The following MPDZ variants were observed in gnomAD, a reference collection of about 807,000 sequenced individuals.
MPDZ encodes the protein multiple PDZ domain protein.
MPDZ carries 234 observed loss-of-function variants against 239.1 expected under a neutral mutation model. The ratio of observed to expected loss-of-function variants is 0.98; its 90% CI spans 0.88 to 1.09. The LOEUF is 1.09. MPDZ is among the 50% of genes least tolerant of loss of function. The pLI is 0.00. For synonymous variants in MPDZ, 1,048 were observed against 881.3 expected (o/e 1.19, Z -3.35); for missense variants, 3,175 against 2,510.0 (o/e 1.26, Z -5.66).
At chr9:13,254,850 G>T (rs891556121) in intron 1 of MPDZ, among the ~76,000 whole-genome samples, 3 of 152,154 alleles carry the variant, frequency 2.0e-5, no homozygotes, top group Non-Finnish European at 4.4e-5. Flanking sequence ...CTGGTGGAGG[G>T]TCTTGCCTTT....
chr9:13,219,970 T>A (rs1241681233), intron 7 of MPDZ, among the ~76,000 whole-genome samples: 2 of 151,990 alleles, frequency 1.3e-5, no homozygotes, highest in African/African-American at 4.8e-5. Context: ...GAAATTCACA[T>A]ATAGTCTTTA....
chr9:13,175,752 C>T lies in MPDZ; in HGVS notation c.3055G>A (p.Gly1019Arg), dbSNP rs773285609. 1.7e-5 allele frequency: 27 copies of T among 1,568,086 alleles called. No individual in the cohort carries two copies. Among genetic ancestry groups the T allele is most frequent in the African/African-American group, 2.7e-5 (2 of 74,254 alleles). Residue 1019 changes from glycine to arginine, a missense_variant and splice_region_variant, in exon 21 of 47, where the codon GGA becomes AGA. Gly to Arg is a moderately radical substitution (Grantham distance 125). Coordinates refer to ENST00000319217, the MANE Select transcript of MPDZ (RefSeq NM_001378778.1). ...INIAKGNSSL[G>R]MTVSANKDGL... ...TATATGAGGAAAATGAGAAACTTACCTAGGCTAGAATTGCCTTTTGCTATA... is the reference window on the plus strand; with the variant it reads ...TATATGAGGAAAATGAGAAACTTACTTAGGCTAGAATTGCCTTTTGCTATA...
chr9:13,183,682 CT>C, intron 18 of MPDZ, 97 bp from the exon 19 acceptor site: 1 of 1,148,094 alleles, frequency 8.7e-7, no homozygotes, highest in Non-Finnish European at 1.3e-6. Flanking sequence ...TGGTATCATT[CT>C]TTTATCTATT....
At chr9:13,125,538 A>G in intron 34 of MPDZ, 148 bp from the exon 35 acceptor site, 2 of 701,842 alleles carry the variant, frequency 2.8e-6, no homozygotes, top group Admixed American at 6.1e-5. Context: ...GGACTTGGGT[A>G]AAGAAAGAAA....
intron 13 of MPDZ, among the ~76,000 whole-genome samples, chr9:13,194,989 A>T (rs544569864): frequency 2.7e-5 from 4 of 147,174 alleles, no homozygotes; most frequent in South Asian, 2.1e-4. Context: ...TTGAATGTTT[A>T]AAAAAAAAAA....
At chr9:13,193,002 T>TA (rs1955152400) in intron 14 of MPDZ, among the ~76,000 whole-genome samples, 165 bp downstream of exon 14, 1 of 152,198 alleles carries the variant, frequency 6.6e-6, no homozygotes, top group Non-Finnish European at 1.5e-5. Flanking sequence ...TACACACAGA[T>TA]ACACAGATAC....
At chr9:13,199,251 T>C (rs1014843270) in intron 12 of MPDZ, among the ~76,000 whole-genome samples, 8 of 152,052 alleles carry the variant, frequency 5.3e-5, no homozygotes, top group Non-Finnish European at 1.0e-4. Flanking sequence ...TATTCCTAGG[T>C]ATTTTATTTT....
At chr9:13,155,272 A>T (rs1488925616) in intron 24 of MPDZ, among the ~76,000 whole-genome samples, 1 of 152,170 alleles carries the variant, frequency 6.6e-6, no homozygotes, top group Non-Finnish European at 1.5e-5. Context: ...TTGACAACTG[A>T]AAGTAAAAAA....
At chr9:13,178,325 A>G (rs1952791530) in intron 19 of MPDZ, among the ~76,000 whole-genome samples, 1 of 152,026 alleles carries the variant, frequency 6.6e-6, no homozygotes, top group Non-Finnish European at 1.5e-5. Flanking sequence ...TTACAGAAGG[A>G]AAATATGGGA....
chr9:13,279,253 C>T (rs1204234371), intron 1 of MPDZ, 147 bp downstream of exon 1: 1 of 113,466 alleles, frequency 8.8e-6, no homozygotes, highest in Non-Finnish European at 1.8e-5. Flanking sequence ...CCACCCCTAC[C>T]CCCACCCCCA....
At chr9:13,247,943 T>C in intron 2 of MPDZ, 142 bp from the exon 3 acceptor site, 1 of 811,608 alleles carries the variant, frequency 1.2e-6, no homozygotes, top group Non-Finnish European at 1.9e-6. Context: ...AAAAAAACAG[T>C]AGGCCGGACC....
chr9:13,107,254 T>C, intron 46 of MPDZ, 143 bp from the exon 47 acceptor site: 1 of 834,016 alleles, frequency 1.2e-6, no homozygotes, highest in Non-Finnish European at 1.8e-6. Context: ...CTCTAAGCCA[T>C]TAAGCAATGA....
chr9:13,270,487 C>T (rs1231667738), intron 1 of MPDZ, among the ~76,000 whole-genome samples: 4 of 151,690 alleles, frequency 2.6e-5, no homozygotes, highest in Admixed American at 6.6e-5. Context: ...TGGGCACTTA[C>T]ACCTTGGCTA....
At chr9:13,169,178 T>C (rs1026236971) in intron 21 of MPDZ, among the ~76,000 whole-genome samples, 2 of 152,148 alleles carry the variant, frequency 1.3e-5, no homozygotes, top group African/African-American at 2.4e-5. Context: ...GAAATGAATT[T>C]ATATGAACTT....
chr9:13,178,370 G>C (rs1390978577), intron 19 of MPDZ, among the ~76,000 whole-genome samples: 2 of 151,994 alleles, frequency 1.3e-5, no homozygotes, highest in African/African-American at 4.8e-5. Flanking sequence ...TCCTAGATTA[G>C]TTTGGCAATC....
intron 8 of MPDZ, among the ~76,000 whole-genome samples, chr9:13,217,871 C>G (rs1958560528): frequency 1.3e-5 from 2 of 151,802 alleles, no homozygotes; most frequent in Non-Finnish European, 2.9e-5. Context: ...TGAATGATAA[C>G]TGAAAGTGGG....
chr9:13,142,401 C>T (rs917052410), intron 27 of MPDZ, among the ~76,000 whole-genome samples: 9 of 152,054 alleles, frequency 5.9e-5, no homozygotes, highest in Non-Finnish European at 1.0e-4. Flanking sequence ...TTTTCATATC[C>T]CTGACACCCT....
intron 10 of MPDZ, among the ~76,000 whole-genome samples, chr9:13,214,093 C>T (rs1447015657): frequency 6.6e-6 from 1 of 151,898 alleles, no homozygotes; most frequent in Non-Finnish European, 1.5e-5. Context: ...AAAATGAAAA[C>T]ATATATGTAC....
chr9:13,165,497 T>C (rs919910570), intron 22 of MPDZ: 11 of 1,483,568 alleles, frequency 7.4e-6, no homozygotes, highest in African/African-American at 7.0e-5. Context: ...TGCATACATA[T>C]GTAGTTAAAA....
Sources: gnomAD v4.1 joint callset for allele counts (sites outside exome capture counted in the v4.1 genomes callset) on GRCh38, gnomAD v4.1.1 for gene constraint, MANE v1.5 for transcripts, NCBI Gene and HGNC (gene_info 2026-07-23, HGNC 2026-07-21) for gene names.